The following LHFPL6 variants were observed in gnomAD, a reference collection of about 807,000 sequenced individuals.
LHFPL6 encodes LHFPL tetraspan subfamily member 6, also known as LHFPL tetraspan subfamily member 6 protein.
Under a neutral mutation model 20.6 loss-of-function variants are expected in LHFPL6, and 9 were observed. That is an observed-to-expected ratio of 0.44 (90% CI 0.26 to 0.76). The LOEUF is 0.76. Among genes scored for constraint, LHFPL6 ranks in the 30% least tolerant of loss-of-function variants. The pLI is 0.20. For missense variants in LHFPL6, 218 were observed against 253.5 expected (o/e 0.86, Z 0.95); for synonymous variants, 105 against 98.7 (o/e 1.06, Z -0.38).
intron 2 of LHFPL6, among the ~76,000 whole-genome samples, chr13:39,484,089 G>C (rs559496025): frequency 6.6e-6 from 1 of 152,200 alleles, no homozygotes; most frequent in African/African-American, 2.4e-5. Context: ...ATTCCATCCA[G>C]ATCTGTGCTT....
At chr13:39,542,578 TA>T (rs1870844809) in intron 2 of LHFPL6, among the ~76,000 whole-genome samples, 1 of 152,158 alleles carries the variant, frequency 6.6e-6, no homozygotes, top group Non-Finnish European at 1.5e-5. Flanking sequence ...CCTGACTTTG[TA>T]AGACTGTTTA....
intron 2 of LHFPL6, among the ~76,000 whole-genome samples, chr13:39,460,534 G>A (rs983343946): frequency 6.6e-6 from 1 of 152,218 alleles, no homozygotes; most frequent in Admixed American, 6.5e-5. Context: ...ATTTCTTAAA[G>A]AGAAATAGTG....
intron 3 of LHFPL6, among the ~76,000 whole-genome samples, chr13:39,344,845 C>T (rs932965658): frequency 2.6e-5 from 4 of 152,178 alleles, no homozygotes; most frequent in Admixed American, 1.3e-4. Context: ...GTGACTTACC[C>T]ATAGTCATAT....
At chr13:39,361,885 C>G (rs997072375) in intron 3 of LHFPL6, among the ~76,000 whole-genome samples, 3 of 151,898 alleles carry the variant, frequency 2.0e-5, no homozygotes, top group African/African-American at 4.8e-5. Flanking sequence ...TAAGTATCTA[C>G]GGTTGGGAGG....
chr13:39,496,791 G>C (rs571813643), intron 2 of LHFPL6, among the ~76,000 whole-genome samples: 3 of 152,312 alleles, frequency 2.0e-5, no homozygotes, highest in Admixed American at 2.0e-4. Context: ...CAGGGATCCA[G>C]GGGTGGCAGG....
intron 2 of LHFPL6, among the ~76,000 whole-genome samples, chr13:39,407,089 T>G (rs778311690): frequency 1.2e-4 from 19 of 152,210 alleles, no homozygotes; most frequent in Non-Finnish European, 2.5e-4. Context: ...TGGCAGAATT[T>G]TGCAACCCAC....
chr13:39,591,763 C>T (rs906937672), intron 2 of LHFPL6, among the ~76,000 whole-genome samples: 1 of 152,080 alleles, frequency 6.6e-6, no homozygotes, highest in African/African-American at 2.4e-5. Context: ...ATGGAATAAG[C>T]TCTCTGGTGA....
intron 3 of LHFPL6, among the ~76,000 whole-genome samples, chr13:39,367,970 A>T (rs966465804): frequency 2.0e-5 from 3 of 152,216 alleles, no homozygotes; most frequent in Admixed American, 6.5e-5. Flanking sequence ...TATCCAAAAC[A>T]TGACCCCAAA....
intron 2 of LHFPL6, among the ~76,000 whole-genome samples, chr13:39,541,788 T>A (rs1024964368): frequency 1.3e-5 from 2 of 152,140 alleles, no homozygotes; most frequent in Non-Finnish European, 1.5e-5. Context: ...GAATCTCATT[T>A]AAAATGCATG....
intron 2 of LHFPL6, among the ~76,000 whole-genome samples, chr13:39,504,829 C>T (rs7981363): frequency 0.31 from 47,445 of 152,114 alleles, 7,909 homozygotes; most frequent in Middle Eastern, 0.42. Context: ...AGCATATTCC[C>T]CTACATCTTT....
chr13:39,389,401 C>CA (rs1288755765), intron 2 of LHFPL6, among the ~76,000 whole-genome samples: 3 of 152,036 alleles, frequency 2.0e-5, no homozygotes, highest in Admixed American at 6.6e-5. Flanking sequence ...TACCTAAGGC[C>CA]AAAACGTATA....
chr13:39,550,351 G>A (rs938808901), intron 2 of LHFPL6, among the ~76,000 whole-genome samples: 2 of 151,946 alleles, frequency 1.3e-5, no homozygotes, highest in South Asian at 2.1e-4. Context: ...ACATTTGTAC[G>A]TGCTTGTCAA....
intron 3 of LHFPL6, among the ~76,000 whole-genome samples, chr13:39,359,689 C>T (rs78421310): frequency 0.016 from 2,467 of 152,024 alleles, 32 homozygotes; most frequent in South Asian, 0.065. Flanking sequence ...CTCACTTCTT[C>T]GGTGACGGAT....
chr13:39,534,351 A>G (rs954311640), intron 2 of LHFPL6, among the ~76,000 whole-genome samples: 1 of 151,922 alleles, frequency 6.6e-6, no homozygotes, highest in Non-Finnish European at 1.5e-5. Flanking sequence ...GCCATTTTGC[A>G]TAGTACCTAG....
At chr13:39,348,467 G>GT (rs1480087427) in intron 3 of LHFPL6, among the ~76,000 whole-genome samples, 1 of 152,150 alleles carries the variant, frequency 6.6e-6, no homozygotes, top group Non-Finnish European at 1.5e-5. Context: ...GATAATGAAT[G>GT]TTCCCAGCCC....
chr13:39,578,765 T>G (rs535440154), intron 2 of LHFPL6, among the ~76,000 whole-genome samples: 1 of 152,142 alleles, frequency 6.6e-6, no homozygotes, highest in Admixed American at 6.5e-5. Flanking sequence ...CTGTGGTAGA[T>G]GGTGCTCTCC....
intron 2 of LHFPL6, among the ~76,000 whole-genome samples, chr13:39,438,510 A>C (rs1193064866): frequency 2.0e-5 from 3 of 152,252 alleles, no homozygotes; most frequent in African/African-American, 7.2e-5. Flanking sequence ...AATTTGCATA[A>C]GTAAAGAGGA....
chr13:39,389,237 G>C (rs1192819443), intron 2 of LHFPL6, among the ~76,000 whole-genome samples: 1 of 152,170 alleles, frequency 6.6e-6, no homozygotes, highest in Non-Finnish European at 1.5e-5. Context: ...CATGACCTCA[G>C]GGGAGGGGCT....
At chr13:39,381,826 CAAAAAA>C (rs10581776) in intron 2 of LHFPL6, among the ~76,000 whole-genome samples, 152 of 140,422 alleles carry the variant, frequency 1.1e-3, no homozygotes, top group South Asian at 1.5e-3. Flanking sequence ...AATTTATAGA[CAAAAAA>C]AAAAAAAAAA....
Sources: allele counts gnomAD v4.1 joint callset (sites outside exome capture counted in the v4.1 genomes callset), GRCh38; gene constraint gnomAD v4.1.1; transcripts MANE v1.5; gene names NCBI Gene and HGNC (gene_info 2026-07-23, HGNC 2026-07-21).